DROSHA: variants seen among roughly 807,000 people sequenced by gnomAD.
The protein encoded by DROSHA is ribonuclease 3.
Under a neutral mutation model 181.9 loss-of-function variants are expected in DROSHA, and 56 were observed. The ratio of observed to expected loss-of-function variants is 0.31; its 90% CI spans 0.25 to 0.38. The LOEUF is 0.38. Among genes scored for constraint, DROSHA ranks in the 10% least tolerant of loss-of-function variants. The probability of loss-of-function intolerance (pLI) is 1.00; values close to 1 mark genes in which losing one functional copy is unlikely to be tolerated. For missense variants in DROSHA, 1,218 were observed against 1,743.5 expected, an observed-to-expected ratio of 0.70 and a Z score of 5.37; for synonymous variants, 524 against 591.2, an observed-to-expected ratio of 0.89 and a Z score of 1.65.
intron 23 of DROSHA, among the ~76,000 whole-genome samples, chr5:31,445,995 T>A (rs1431852577): frequency 1.3e-5 from 2 of 152,202 alleles, no homozygotes; most frequent in Admixed American, 1.3e-4. Context: ...TATTTGTAGA[T>A]GATATTATTT....
Position 31,409,697 on chromosome 5 carries a change from G to A in DROSHA, c.3668-365C>T, listed in dbSNP as rs576233584. On this transcript the variant is annotated intron_variant, in intron 31 of 35. Coordinates refer to ENST00000344624, the MANE Select transcript of DROSHA (RefSeq NM_001382508.1). The surrounding 1 kb of genome is among the most constrained non-coding windows in gnomAD (Gnocchi z 4.0). The stretch of plus-strand genomic sequence containing the variant: ...AAGATTAGATATGATGCCAGAATAC[G>A]CACATTCTTGGGTCTTGCCATTTTC... The A allele has an allele frequency of 4.7e-4, 86 of 182,110 alleles. No homozygotes were observed. The Middle Eastern group carries it at 7.7e-3, about 16-fold the overall frequency. The allele number at this position is 182,110 out of a possible 1,614,324, so 11.3% of individuals were successfully genotyped here.
chr5:31,493,452 C>T (rs778458077), intron 12 of DROSHA, among the ~76,000 whole-genome samples, 159 bp from the exon 13 acceptor site: 3 of 152,080 alleles, frequency 2.0e-5, no homozygotes, highest in Non-Finnish European at 2.9e-5. Flanking sequence ...TGAAATTATC[C>T]GGCTTCAGAT....
At chr5:31,474,438 T>C (rs1750130348) in intron 16 of DROSHA, among the ~76,000 whole-genome samples, 1 of 152,092 alleles carries the variant, frequency 6.6e-6, no homozygotes, top group South Asian at 2.1e-4. Context: ...TCACGGCTCA[T>C]CGCAGCCTCA....
chr5:31,427,771 A>G (rs544689036), intron 27 of DROSHA, among the ~76,000 whole-genome samples: 7 of 152,224 alleles, frequency 4.6e-5, no homozygotes, highest in Non-Finnish European at 7.3e-5. Flanking sequence ...TCTTTGGCTA[A>G]TTAGGCTTTC....
intron 14 of DROSHA, 55 bp from the exon 15 acceptor site, chr5:31,485,017 G>A (rs1484953732): frequency 8.1e-7 from 1 of 1,227,610 alleles, no homozygotes; most frequent in Non-Finnish European, 1.2e-6. Context: ...TACATTAACT[G>A]AAGGTTCAAC....
chr5:31,519,962 C>G (rs948293386), intron 6 of DROSHA, among the ~76,000 whole-genome samples: 4 of 152,122 alleles, frequency 2.6e-5, no homozygotes, highest in Non-Finnish European at 5.9e-5. Flanking sequence ...AGAGAGATTG[C>G]TGTGTCGTTT....
chr5:31,523,587 A>G (rs564192302), intron 5 of DROSHA, among the ~76,000 whole-genome samples: 9 of 152,342 alleles, frequency 5.9e-5, no homozygotes, highest in African/African-American at 1.9e-4. Context: ...CCAGAAGCAA[A>G]ATTATTAACA....
Position 31,508,648 on chromosome 5 carries a change from A to C in DROSHA, c.1560T>G (p.Asp520Glu). 1 of 1,613,944 alleles carries C rather than the reference A, an allele frequency of 6.2e-7. No individual in the cohort carries two copies. Among genetic ancestry groups the C allele is most frequent in the African/African-American group, 1.3e-5 (1 of 75,038 alleles). ...GGCCTGGATCGTTGTACCAAAGTTC[A>C]TCATGAAGTCGGTCAGGGTGGGCCT... ...RKKAHPDRLHDELWYNDPGQM... is the reference protein window; with the variant it reads ...RKKAHPDRLHEELWYNDPGQM... Residue 520 changes from aspartate to glutamate, a missense_variant, in exon 10 of 36, where the codon GAT becomes GAG. Coordinates refer to ENST00000344624, the MANE Select transcript of DROSHA (RefSeq NM_001382508.1).
At chr5:31,493,953 G>C (rs1012772189) in intron 12 of DROSHA, among the ~76,000 whole-genome samples, 10 of 137,540 alleles carry the variant, frequency 7.3e-5, no homozygotes, top group East Asian at 2.0e-4. Flanking sequence ...GTGTGTGTGT[G>C]TGTGTGTGTG....
chr5:31,526,774 A>G lies in DROSHA; in HGVS notation c.159T>C (p.Tyr53=). Residue 53 remains tyrosine (Y), a synonymous_variant, in exon 5 of 36, where the codon TAT becomes TAC. Coordinates refer to ENST00000344624, the MANE Select transcript of DROSHA (RefSeq NM_001382508.1). ...TGGTGGAAGGGGCACTTGGAGGTTC[A>G]TATTGATATTGCACAGGAGGCTGCT... ...HPQQPPVQYQ[Y]EPPSAPSTTF... 3.1e-6 allele frequency: 5 copies of G among 1,599,638 alleles called. No individual in the cohort carries two copies. The highest frequency in any genetic ancestry group is 3.4e-6 in the Non-Finnish European group (4 of 1,175,604).
At chr5:31,402,083 T>C (rs1394547621) in intron 35 of DROSHA, among the ~76,000 whole-genome samples, 1 of 152,210 alleles carries the variant, frequency 6.6e-6, no homozygotes, top group African/African-American at 2.4e-5. Flanking sequence ...AGTCATTATG[T>C]CTGATAATTA....
chr5:31,453,157 A>G lies in DROSHA; in HGVS notation c.2575-1517T>C, dbSNP rs577555232. 2.0e-5 allele frequency among the ~76,000 whole-genome samples: 3 copies of G among 152,340 alleles called. No homozygotes were observed. The East Asian group carries it at 5.8e-4, about 29-fold the overall frequency. On this transcript the variant is annotated intron_variant, in intron 20 of 35. Transcript: ENST00000344624. ...TATGAGAGATGAATCGCTGCCTGTCAGGAAAATAAAACCCTCTTTAGAGTT... is the reference window on the plus strand; with the variant it reads ...TATGAGAGATGAATCGCTGCCTGTCGGGAAAATAAAACCCTCTTTAGAGTT...
At position 31,499,346 on chromosome 5, in the gene DROSHA, A is replaced by G. The variant is rs1753335128; in HGVS notation, c.1669-3974T>C. ...AGCATCTGCTTCTAGAGAACCCAAG[A>G]TGAGGCTGTTGGTACTAGGAGTGAC... On this transcript the variant is annotated intron_variant, in intron 11 of 35. Coordinates refer to ENST00000344624, the MANE Select transcript of DROSHA (RefSeq NM_001382508.1). 3.3e-5 allele frequency among the ~76,000 whole-genome samples: 5 copies of G among 152,310 alleles called. No homozygotes were observed. The South Asian group carries it at 1.0e-3, about 32-fold the overall frequency.
Position 31,478,658 on chromosome 5 carries a change from C to T in DROSHA, c.2071+4896G>A, listed in dbSNP as rs182289041. Among the ~76,000 whole-genome samples, 44 of 152,176 alleles carry T rather than the reference C, an allele frequency of 2.9e-4. No homozygotes were observed. In the East Asian group the frequency reaches 3.3e-3, roughly 11 times the overall value. ...CTGAGGCAAGAGAATCGCTTGAACC[C>T]GGGAGGCAGAGGTTGCAGTGAGCCG... On this transcript the variant is annotated intron_variant, in intron 16 of 35. Coordinates refer to ENST00000344624, the MANE Select transcript of DROSHA (RefSeq NM_001382508.1).
chr5:31,403,945 G>A (rs557893393), intron 35 of DROSHA, among the ~76,000 whole-genome samples: 8 of 151,904 alleles, frequency 5.3e-5, no homozygotes, highest in Non-Finnish European at 8.8e-5. Context: ...TTTTTTTGGC[G>A]GGGAGGGGAA....
Position 31,443,521 on chromosome 5 carries a change from C to A in DROSHA, c.2882+5026G>T, listed in dbSNP as rs540383476. Among the ~76,000 whole-genome samples the A allele has an allele frequency of 9.2e-5, 14 of 152,260 alleles. No homozygotes were observed. The South Asian group carries it at 2.9e-3, about 32-fold the overall frequency. ...CACCCTTTTTGTGCTAACAGTTCATCACAATTTGCATGAATGAATTAAATA... is the reference window on the plus strand; with the variant it reads ...CACCCTTTTTGTGCTAACAGTTCATAACAATTTGCATGAATGAATTAAATA... On this transcript the variant is annotated intron_variant, in intron 23 of 35. Transcript: ENST00000344624.
intron 33 of DROSHA, among the ~76,000 whole-genome samples, chr5:31,407,461 A>T (rs922345029): frequency 6.6e-6 from 1 of 152,240 alleles, no homozygotes; most frequent in African/African-American, 2.4e-5. Context: ...ATCTGAGATC[A>T]CTTGAAAGGT....
chr5:31,520,659 C>T (rs1739789985), intron 6 of DROSHA, among the ~76,000 whole-genome samples: 1 of 152,092 alleles, frequency 6.6e-6, no homozygotes, highest in Admixed American at 6.6e-5. Flanking sequence ...GAGTGCTGTT[C>T]TTCATTACCA....
At chr5:31,474,521 C>T (rs1253251842) in intron 16 of DROSHA, among the ~76,000 whole-genome samples, 1 of 152,130 alleles carries the variant, frequency 6.6e-6, no homozygotes, top group Non-Finnish European at 1.5e-5. Flanking sequence ...TGCCACCAGG[C>T]CTGGCTACTT....
Sources: allele counts gnomAD v4.1 joint callset (sites outside exome capture counted in the v4.1 genomes callset), GRCh38; gene constraint gnomAD v4.1.1; non-coding constraint Gnocchi (gnomAD v3.1); transcripts MANE v1.5; gene names NCBI Gene and HGNC (gene_info 2026-07-23, HGNC 2026-07-21).